LRP5: variants seen among roughly 807,000 people sequenced by gnomAD.
LRP5 encodes the protein LDL receptor related protein 5.
In LRP5, 62 loss-of-function variants were observed where a neutral mutation model predicts 154.1. That is an observed-to-expected ratio of 0.40 (90% confidence interval 0.33 to 0.50). The LOEUF (loss-of-function observed/expected upper bound fraction) is 0.50, where lower values mean the gene tolerates loss of function less well. Among genes scored for constraint, LRP5 ranks in the 20% least tolerant of loss-of-function variants. The pLI is 0.55. For synonymous variants in LRP5, 966 were observed against 1,011.5 expected (o/e 0.96, Z 0.85); for missense variants, 1,915 against 2,336.7 (o/e 0.82, Z 3.72).
chr11:68,351,018 G>GTGTGCACGTGTA (rs1440415307), intron 2 of LRP5, among the ~76,000 whole-genome samples: 1 of 152,226 alleles, frequency 6.6e-6, no homozygotes, highest in Non-Finnish European at 1.5e-5. Context: ...ATGTGACTGT[G>GTGTGCACGTGTA]TGTGCACGTG....
rs1056244579 is a variant in LRP5, at chr11:68,363,635, C to T, written c.687-112C>T. 321 of 874,192 alleles carry T rather than the reference C, an allele frequency of 3.7e-4. 1 individual carries two copies. The highest frequency in any genetic ancestry group is 6.0e-4 in the Admixed American group (29 of 48,644). 54.2% of individuals were successfully genotyped at this position (874,192 alleles called of 1,614,324 possible). On this transcript the variant is annotated intron_variant, in intron 3 of 22. Transcript: ENST00000294304. Reference sequence around the variant, plus strand: ...TTACATCACTGCACTCCAGCCTGGGCGACAGACCGAGACTCCATCTCAAAA... The same window carrying T: ...TTACATCACTGCACTCCAGCCTGGGTGACAGACCGAGACTCCATCTCAAAA...
At chr11:68,368,064 C>CAAAAA (rs35969123) in intron 5 of LRP5, among the ~76,000 whole-genome samples, 1 of 94,618 alleles carries the variant, frequency 1.1e-5, no homozygotes, top group Admixed American at 1.2e-4. Context: ...GACCCTGTCT[C>CAAAAA]AAAAAAAAAA....
chr11:68,370,173 C>T (rs1350160993), intron 5 of LRP5, among the ~76,000 whole-genome samples: 1 of 152,096 alleles, frequency 6.6e-6, no homozygotes, highest in East Asian at 1.9e-4. Context: ...TAGGTGGAGC[C>T]CCTGGCTCTT....
chr11:68,386,556 A>C lies in LRP5; in HGVS notation c.1256A>C (p.Asp419Ala). Reference protein sequence around the residue: ...TLVNTEINDPDGIAVDWVARN... With the variant: ...TLVNTEINDPAGIAVDWVARN... ...GTCAACACCGAGATCAACGACCCCG[A>C]TGGCATCGCGGTCGACTGGGTGGCC... Residue 419 changes from aspartate to alanine, a missense_variant, in exon 6 of 23, where the codon GAT (aspartate) becomes GCT (alanine). Asp to Ala is a moderately radical substitution (Grantham distance 126, BLOSUM62 -2). This residue lies in a region of LRP5 where 773 missense variants were observed against 1,100.9 expected (regional missense o/e 0.70). Transcript: ENST00000294304. The surrounding 1 kb of genome is among the most constrained non-coding windows in gnomAD (Gnocchi z 7.9). 1 of 1,613,786 alleles carries C rather than the reference A, an allele frequency of 6.2e-7. No individual in the cohort carries two copies. Among genetic ancestry groups the C allele is most frequent in the South Asian group, 1.1e-5 (1 of 91,074 alleles).
chr11:68,439,994 G>A, intron 21 of LRP5, 78 bp downstream of exon 21: 2 of 1,366,150 alleles, frequency 1.5e-6, no homozygotes, highest in Non-Finnish European at 1.9e-6. Context: ...GCCACCGGAG[G>A]CTTCCCGGGT....
chr11:68,404,474 G>A (rs1270741625), intron 8 of LRP5: 2 of 492,780 alleles, frequency 4.1e-6, no homozygotes, highest in African/African-American at 3.9e-5. Context: ...CAGATCCCCG[G>A]CTTTAAAATA....
At chr11:68,316,492 G>C (rs1407061412) in intron 1 of LRP5, among the ~76,000 whole-genome samples, 3 of 152,162 alleles carry the variant, frequency 2.0e-5, no homozygotes, top group Non-Finnish European at 4.4e-5. Context: ...GGCTGGTCTT[G>C]AACTCCTGAC....
chr11:68,349,956 CAA>C (rs1210726242), intron 2 of LRP5, among the ~76,000 whole-genome samples: 4 of 152,174 alleles, frequency 2.6e-5, no homozygotes, highest in African/African-American at 9.7e-5. Context: ...GACTAGAACA[CAA>C]GAGCCATTTC....
intron 2 of LRP5, among the ~76,000 whole-genome samples, chr11:68,352,475 G>C (rs1373902807): frequency 2.0e-5 from 3 of 152,208 alleles, no homozygotes; most frequent in Admixed American, 2.0e-4. Context: ...ACGTGGTTTT[G>C]TCTTTTTACT....
intron 3 of LRP5, among the ~76,000 whole-genome samples, chr11:68,360,419 C>CA (rs911750379): frequency 8.3e-3 from 1 of 120 alleles, no homozygotes; most frequent in Non-Finnish European, 0.016. Context: ...TCTGTAGCTC[C>CA]AGGTCTGGTC....
intron 7 of LRP5, among the ~76,000 whole-genome samples, chr11:68,397,068 C>G (rs959596150): frequency 6.6e-6 from 1 of 152,148 alleles, no homozygotes; most frequent in Non-Finnish European, 1.5e-5. Flanking sequence ...TCTAGAGCCC[C>G]GGGGGTTGGA....
At position 68,389,935 on chromosome 11, in the gene LRP5, G is replaced by A; in HGVS notation, c.1467G>A (p.Leu489=). 2.5e-6 allele frequency: 4 copies of A among 1,614,254 alleles called. No homozygotes were observed. The highest frequency in any genetic ancestry group is 3.4e-6 in the Non-Finnish European group (4 of 1,180,050). The change falls in exon 7 of 23, where the codon TTG becomes TTA. Residue 489 remains leucine, a synonymous_variant. Coordinates refer to ENST00000294304, the MANE Select transcript of LRP5 (RefSeq NM_002335.4). ...ACCCTAAAATCGAGTGTGCCAACTT[G>A]GATGGGCAGGAGCGGCGTGTGCTGG... ...GENPKIECAN[L]DGQERRVLVN...
intron 2 of LRP5, 71 bp downstream of exon 2, chr11:68,348,314 T>G (rs1386108397): frequency 1.3e-6 from 2 of 1,582,854 alleles, no homozygotes; most frequent in Non-Finnish European, 1.7e-6. Flanking sequence ...CGAATTTGCA[T>G]GAGCCCAAGT....
At chr11:68,431,935 G>T (rs143911914) in intron 17 of LRP5, among the ~76,000 whole-genome samples, 1 of 152,162 alleles carries the variant, frequency 6.6e-6, no homozygotes, top group Non-Finnish European at 1.5e-5. Flanking sequence ...CTCGAGAGAC[G>T]TGTATTTACC....
At chr11:68,433,448 C>T (rs1045422767) in intron 17 of LRP5, among the ~76,000 whole-genome samples, 154 bp from the exon 18 acceptor site, 2 of 152,302 alleles carry the variant, frequency 1.3e-5, no homozygotes, top group South Asian at 2.1e-4. Flanking sequence ...GGAGCCGCAG[C>T]GATGGAGGAT....
chr11:68,439,758 C>A lies in LRP5; in HGVS notation c.4349-19C>A. Reference sequence around the variant, plus strand: ...TGAGCCTGGAAGCCACCTGACCTCCCCCGTCCCTTCCCTGCCAGGCATCGC... The same window carrying A: ...TGAGCCTGGAAGCCACCTGACCTCCACCGTCCCTTCCCTGCCAGGCATCGC... On this transcript the variant is annotated intron_variant, in intron 20 of 22. Transcript: ENST00000294304. 6.2e-7 allele frequency: 1 copy of A among 1,606,686 alleles called. No individual in the cohort carries two copies. The highest frequency in any genetic ancestry group is 8.5e-7 in the Non-Finnish European group (1 of 1,177,522).
chr11:68,379,302 T>C (rs545628579), intron 5 of LRP5, among the ~76,000 whole-genome samples: 7 of 152,314 alleles, frequency 4.6e-5, no homozygotes, highest in Middle Eastern at 3.4e-3. Context: ...TCCAGGTTCT[T>C]GGTCTTGAGT....
intron 7 of LRP5, among the ~76,000 whole-genome samples, chr11:68,401,478 G>T (rs2098652605): frequency 6.6e-6 from 1 of 152,182 alleles, no homozygotes; most frequent in Non-Finnish European, 1.5e-5. Context: ...TGACTTAATT[G>T]CTCCAGGTTG....
At chr11:68,327,861 C>T (rs1182103493) in intron 1 of LRP5, among the ~76,000 whole-genome samples, 3 of 152,204 alleles carry the variant, frequency 2.0e-5, no homozygotes, top group Non-Finnish European at 4.4e-5. Context: ...ACAATGAATG[C>T]TTGGTGGAAG....
Sources: gnomAD v4.1 joint callset for allele counts (sites outside exome capture counted in the v4.1 genomes callset) on GRCh38, gnomAD v4.1.1 for gene constraint, gnomAD v4.1.1 regional missense constraint, Gnocchi (gnomAD v3.1) non-coding constraint, MANE v1.5 for transcripts, NCBI Gene and HGNC (gene_info 2026-07-23, HGNC 2026-07-21) for gene names.